The following DNAJC1 variants were observed in gnomAD, a reference collection of about 807,000 sequenced individuals.
DNAJC1 encodes the protein dnaJ homolog subfamily C member 1.
Under a neutral mutation model 76.6 loss-of-function variants are expected in DNAJC1, and 58 were observed. That is an observed-to-expected ratio of 0.76 (90% CI 0.61 to 0.94). The LOEUF is 0.94. DNAJC1 is among the 40% of genes least tolerant of loss of function. The pLI, the probability that DNAJC1 is intolerant of heterozygous loss-of-function variation, is 0.00. For missense variants in DNAJC1, 689 were observed against 677.3 expected (o/e 1.02, Z -0.19); for synonymous variants, 258 against 267.9 (o/e 0.96, Z 0.36).
intron 9 of DNAJC1, among the ~76,000 whole-genome samples, chr10:21,803,587 TTCTG>T (rs1360875008): frequency 7.4e-5 from 10 of 134,568 alleles, no homozygotes; most frequent in Non-Finnish European, 1.4e-4. Context: ...CAGAGTGATT[TTCTG>T]TGTGTGTGTG....
At chr10:21,818,764 C>G (rs1002956466) in intron 8 of DNAJC1, among the ~76,000 whole-genome samples, 6 of 152,170 alleles carry the variant, frequency 3.9e-5, no homozygotes, top group Non-Finnish European at 7.4e-5. Flanking sequence ...TTTTGCCATA[C>G]TATTCAAAAA....
rs1282805035 is a variant in DNAJC1, at chr10:21,917,462, T to C, written c.729+1317A>G. The stretch of plus-strand genomic sequence containing the variant: ...CCTCATGAATATACTTTTTAACTCA[T>C]CTATATTCTGGTTTGCCTATTGCAC... On this transcript the variant is annotated intron_variant, in intron 6 of 11. Transcript: ENST00000376980. 2.0e-5 allele frequency among the ~76,000 whole-genome samples: 3 copies of C among 152,074 alleles called. 1 individual carries two copies. Among genetic ancestry groups the C allele is most frequent in the South Asian group, 4.1e-4 (2 of 4,832 alleles).
Position 21,886,136 on chromosome 10 carries a change from G to C in DNAJC1, c.821-3697C>G, listed in dbSNP as rs143131763. Among the ~76,000 whole-genome samples the C allele has an allele frequency of 3.3e-3, 505 of 152,048 alleles. 4 individuals carry two copies. Among genetic ancestry groups the C allele is most frequent in the African/African-American group, 0.011 (473 of 41,516 alleles). The stretch of plus-strand genomic sequence containing the variant: ...CCCAAAAACCACAATTAGAAATGAT[G>C]AAGGGTGTCATCATTACCACTGACC... On this transcript the variant is annotated intron_variant, in intron 7 of 11. Transcript: ENST00000376980.
At chr10:21,877,761 G>C (rs1836209352) in intron 8 of DNAJC1, among the ~76,000 whole-genome samples, 1 of 152,130 alleles carries the variant, frequency 6.6e-6, no homozygotes, top group East Asian at 1.9e-4. Flanking sequence ...TAAAAGTACA[G>C]CTGACCCTTG....
intron 1 of DNAJC1, among the ~76,000 whole-genome samples, chr10:21,969,781 C>T (rs1166597728): frequency 6.6e-6 from 1 of 152,102 alleles, no homozygotes; most frequent in Non-Finnish European, 1.5e-5. Context: ...TATACAGCAC[C>T]TTATGATTGG....
At chr10:22,002,072 A>C (rs1461299437) in intron 1 of DNAJC1, among the ~76,000 whole-genome samples, 2 of 152,240 alleles carry the variant, frequency 1.3e-5, no homozygotes, top group Non-Finnish European at 2.9e-5. Context: ...TTTTATATTC[A>C]CTGATGGAAT....
intron 10 of DNAJC1, among the ~76,000 whole-genome samples, chr10:21,761,614 A>G (rs1336556381): frequency 6.6e-6 from 1 of 152,106 alleles, no homozygotes; most frequent in East Asian, 1.9e-4. Flanking sequence ...AAGGAATACA[A>G]TGAAAAGTGG....
chr10:21,795,254 A>G (rs1205339151), intron 9 of DNAJC1, among the ~76,000 whole-genome samples: 1 of 152,236 alleles, frequency 6.6e-6, no homozygotes, highest in African/African-American at 2.4e-5. Context: ...ACAAATGACC[A>G]ATTAGTATAG....
At chr10:21,781,774 T>C (rs968862380) in intron 9 of DNAJC1, among the ~76,000 whole-genome samples, 3 of 143,960 alleles carry the variant, frequency 2.1e-5, no homozygotes, top group Admixed American at 6.9e-5. Context: ...ACATGGAAAC[T>C]GAACAACCTG....
chr10:21,788,880 C>T (rs1484783861), intron 9 of DNAJC1, among the ~76,000 whole-genome samples: 1 of 152,148 alleles, frequency 6.6e-6, no homozygotes, highest in African/African-American at 2.4e-5. Context: ...ACCTGACCTC[C>T]TGGACATGAG....
chr10:21,878,434 C>T (rs998750619), intron 8 of DNAJC1, among the ~76,000 whole-genome samples: 3 of 152,142 alleles, frequency 2.0e-5, no homozygotes, highest in Non-Finnish European at 4.4e-5. Context: ...TGATTTAGTA[C>T]TGCATCTTTA....
chr10:21,820,228 C>T (rs1835136362), intron 8 of DNAJC1, among the ~76,000 whole-genome samples: 1 of 152,126 alleles, frequency 6.6e-6, no homozygotes, highest in Non-Finnish European at 1.5e-5. Context: ...TTTTCAAGGT[C>T]CATGTAGTAG....
At chr10:21,867,255 G>C (rs1836016096) in intron 8 of DNAJC1, among the ~76,000 whole-genome samples, 1 of 152,048 alleles carries the variant, frequency 6.6e-6, no homozygotes, top group South Asian at 2.1e-4. Flanking sequence ...GGCCTGAAAA[G>C]GAGACAGCGA....
intron 1 of DNAJC1, among the ~76,000 whole-genome samples, chr10:21,971,610 A>T (rs937862383): frequency 3.9e-5 from 6 of 151,916 alleles, no homozygotes; most frequent in African/African-American, 1.4e-4. Flanking sequence ...TTAAAAAAAT[A>T]ATAATTTGTC....
At chr10:21,989,684 G>C (rs1838299871) in intron 1 of DNAJC1, among the ~76,000 whole-genome samples, 1 of 152,192 alleles carries the variant, frequency 6.6e-6, no homozygotes, top group Admixed American at 6.5e-5. Flanking sequence ...GAGATGTTAA[G>C]AGGCAATGGT....
chr10:21,879,185 G>A (rs573421970), intron 8 of DNAJC1, among the ~76,000 whole-genome samples: 1 of 152,156 alleles, frequency 6.6e-6, no homozygotes, highest in East Asian at 1.9e-4. Context: ...TGGTTAACTT[G>A]CATCACCTGT....
rs1834754312 is a variant in DNAJC1, at chr10:21,796,726, C to G, written c.1098+9254G>C. Among the ~76,000 whole-genome samples the G allele has an allele frequency of 2.6e-5, 4 of 152,052 alleles. No individual in the cohort carries two copies. The South Asian group carries it at 8.3e-4, about 31-fold the overall frequency. ...AGATGTTGAGCACCTTTTCATATAC[C>G]TGTTGGCCATTTCTATGTCATCTTT... On this transcript the variant is annotated intron_variant, in intron 9 of 11. Coordinates refer to ENST00000376980, the MANE Select transcript of DNAJC1 (RefSeq NM_022365.4).
chr10:21,998,305 G>A (rs1013853532), intron 1 of DNAJC1, among the ~76,000 whole-genome samples: 8 of 150,124 alleles, frequency 5.3e-5, no homozygotes, highest in South Asian at 2.1e-4. Context: ...CAGGAGAATC[G>A]CGTGAACCCA....
intron 1 of DNAJC1, among the ~76,000 whole-genome samples, chr10:21,932,844 A>G (rs1164135695): frequency 4.6e-5 from 7 of 152,136 alleles, no homozygotes; most frequent in Admixed American, 4.6e-4. Context: ...GCTGGTCTCA[A>G]ACTCCTTGGC....
Sources: allele counts gnomAD v4.1 joint callset (sites outside exome capture counted in the v4.1 genomes callset), GRCh38; gene constraint gnomAD v4.1.1; transcripts MANE v1.5; gene names NCBI Gene and HGNC (gene_info 2026-07-23, HGNC 2026-07-21).